The following FAM184A variants were observed in gnomAD, a reference collection of about 807,000 sequenced individuals.
The protein encoded by FAM184A is family with sequence similarity 184 member A.
FAM184A carries 99 observed loss-of-function variants against 143.8 expected under a neutral mutation model. The observed-to-expected ratio is 0.69, with a 90% CI of 0.58 to 0.81. The LOEUF is 0.81. Among genes scored for constraint, FAM184A ranks in the 40% least tolerant of loss-of-function variants. The pLI is 0.00. For missense variants in FAM184A, 1,217 were observed against 1,310.5 expected, an observed-to-expected ratio of 0.93 and a Z score of 1.10; for synonymous variants, 427 against 446.4, an observed-to-expected ratio of 0.96 and a Z score of 0.55.
chr6:118,986,246 T>A (rs112720623), intron 9 of FAM184A, among the ~76,000 whole-genome samples: 4 of 152,032 alleles, frequency 2.6e-5, no homozygotes, highest in African/African-American at 9.7e-5. Context: ...TGAGCCGAGA[T>A]TGCGCCACTG....
intron 1 of FAM184A, among the ~76,000 whole-genome samples, chr6:119,124,875 T>C (rs1026976805): frequency 2.6e-5 from 4 of 152,192 alleles, no homozygotes; most frequent in African/African-American, 9.6e-5. Context: ...CATGAGGTTA[T>C]GTAGCTGATG....
At chr6:119,076,822 A>G (rs1214667008) in intron 1 of FAM184A, among the ~76,000 whole-genome samples, 1 of 152,204 alleles carries the variant, frequency 6.6e-6, no homozygotes, top group Non-Finnish European at 1.5e-5. Context: ...ATACACTACT[A>G]TCATTCCTTC....
At chr6:119,080,487 T>C (rs1788030494), upstream of FAM184A, among the ~76,000 whole-genome samples, 1 of 152,206 alleles carries the variant, frequency 6.6e-6, no homozygotes, top group South Asian at 2.1e-4. Context: ...ATTTAATATT[T>C]TTCCCCACGA....
chr6:119,136,713 G>A (rs1273711658), intron 1 of FAM184A, among the ~76,000 whole-genome samples: 1 of 152,170 alleles, frequency 6.6e-6, no homozygotes, highest in Non-Finnish European at 1.5e-5. Flanking sequence ...AAATAAACTC[G>A]CTTCAGTATT....
chr6:119,003,080 A>C (rs1784814226), intron 8 of FAM184A, 31 bp from the exon 9 acceptor site: 1 of 1,568,168 alleles, frequency 6.4e-7, no homozygotes, highest in African/African-American at 1.4e-5. Flanking sequence ...TTACTTTGTA[A>C]AGAGAATTAT....
At chr6:119,071,125 TGAA>T (rs1482270924) in intron 1 of FAM184A, among the ~76,000 whole-genome samples, 1 of 152,162 alleles carries the variant, frequency 6.6e-6, no homozygotes. Flanking sequence ...TTAATTAAAA[TGAA>T]GAAATTACTC....
Position 119,024,279 on chromosome 6 carries a change from T to G in FAM184A, c.694A>C (p.Lys232Gln), listed in dbSNP as rs952506684. ...TCAAGTCTTAGCTCCTCAAGCATTT[T>G]GTTTAGGGACTCCACCTCCATTCTG... ...LHRMEVESLNKMLEELRLERK... is the reference protein window; with the variant it reads ...LHRMEVESLNQMLEELRLERK... Residue 232 changes from lysine to glutamine, a missense_variant, in exon 2 of 18, where the codon AAA becomes CAA. Transcript: ENST00000338891. 1.9e-6 allele frequency: 3 copies of G among 1,614,096 alleles called. No individual in the cohort carries two copies. In the African/African-American group the frequency reaches 4.0e-5, roughly 22 times the overall value.
intron 1 of FAM184A, among the ~76,000 whole-genome samples, chr6:119,144,783 C>T (rs1465937921): frequency 6.6e-6 from 1 of 152,186 alleles, no homozygotes; most frequent in African/African-American, 2.4e-5. Context: ...CTGCTGCCAG[C>T]TCCCGTGACG....
chr6:119,030,697 G>A (rs1785834400), intron 1 of FAM184A, among the ~76,000 whole-genome samples: 2 of 151,672 alleles, frequency 1.3e-5, no homozygotes, highest in Admixed American at 1.3e-4. Context: ...TTATGGAGAG[G>A]GTGAGACTAA....
intron 7 of FAM184A, chr6:119,005,943 T>TA (rs998682355): frequency 1.4e-5 from 8 of 577,060 alleles, no homozygotes; most frequent in Non-Finnish European, 2.2e-5. Flanking sequence ...TTCCAATTGT[T>TA]ATCGGTTGAA....
intron 9 of FAM184A, among the ~76,000 whole-genome samples, chr6:118,990,436 C>T (rs542188691): frequency 6.6e-6 from 1 of 152,154 alleles, no homozygotes; most frequent in African/African-American, 2.4e-5. Context: ...TGAATCCAAT[C>T]GGTACAGTGC....
chr6:118,961,017 C>T (rs1783307322), intron 17 of FAM184A, among the ~76,000 whole-genome samples: 1 of 151,880 alleles, frequency 6.6e-6, no homozygotes, highest in Non-Finnish European at 1.5e-5. Flanking sequence ...AACCTGCCTA[C>T]TTTGTAAGAC....
At chr6:119,011,274 C>A (rs1237639526) in intron 6 of FAM184A, 35 bp downstream of exon 6, 1 of 1,576,252 alleles carries the variant, frequency 6.3e-7, no homozygotes, top group Non-Finnish European at 8.6e-7. Flanking sequence ...TTATTAAAAT[C>A]TATAACATAG....
chr6:119,014,022 G>T (rs1785165814), intron 5 of FAM184A, among the ~76,000 whole-genome samples: 1 of 152,198 alleles, frequency 6.6e-6, no homozygotes, highest in Non-Finnish European at 1.5e-5. Context: ...CTACATGATG[G>T]TATTTAGATG....
chr6:119,094,473 C>T (rs946067364), intron 1 of FAM184A, among the ~76,000 whole-genome samples: 5 of 152,208 alleles, frequency 3.3e-5, no homozygotes, highest in South Asian at 2.1e-4. Flanking sequence ...CCTTCCACAA[C>T]ATCCTGTCCA....
At chr6:119,061,269 T>C (rs1189257545) in intron 1 of FAM184A, among the ~76,000 whole-genome samples, 1 of 152,164 alleles carries the variant, frequency 6.6e-6, no homozygotes, top group Non-Finnish European at 1.5e-5. Context: ...CTTTGGTTGA[T>C]GAACTGTGTG....
intron 16 of FAM184A, 146 bp from the exon 17 acceptor site, chr6:118,962,109 C>T: frequency 2.8e-6 from 2 of 713,248 alleles, no homozygotes; most frequent in South Asian, 1.8e-5. Context: ...GTTACCCAAA[C>T]TGTGGTCTGG....
At chr6:119,139,475 G>T (rs1413411099) in intron 1 of FAM184A, among the ~76,000 whole-genome samples, 1 of 152,146 alleles carries the variant, frequency 6.6e-6, no homozygotes. Flanking sequence ...AGGGATACTC[G>T]TGGGGAGAAA....
At chr6:118,975,864 T>A in intron 12 of FAM184A, 53 bp downstream of exon 12, 1 of 1,537,878 alleles carries the variant, frequency 6.5e-7, no homozygotes, top group Non-Finnish European at 8.8e-7. Flanking sequence ...ATTATGAACA[T>A]TCAATCTATT....
Sources: allele counts gnomAD v4.1 joint callset (sites outside exome capture counted in the v4.1 genomes callset), GRCh38; gene constraint gnomAD v4.1.1; transcripts MANE v1.5; gene names NCBI Gene and HGNC (gene_info 2026-07-23, HGNC 2026-07-21).